Variants in CDH13 observed in about 807,000 individuals in gnomAD.
The protein encoded by CDH13 is cadherin-13.
A neutral mutation model predicts 63.8 loss-of-function variants in CDH13; 24 were observed. That is an observed-to-expected ratio of 0.38 (90% confidence interval 0.27 to 0.53). The LOEUF is 0.53. Ranked by LOEUF, CDH13 falls within the 20% of genes least tolerant of loss-of-function variation. CDH13 has a pLI of 0.85. For missense variants in CDH13, 1,049 were observed against 903.1 expected (o/e 1.16, Z -2.07); for synonymous variants, 503 against 355.3 (o/e 1.42, Z -4.67).
At chr16:82,886,431 A>G (rs1360180222) in intron 2 of CDH13, among the ~76,000 whole-genome samples, 1 of 152,240 alleles carries the variant, frequency 6.6e-6, no homozygotes, top group Non-Finnish European at 1.5e-5. Context: ...TCGGTAGACA[A>G]ACATGGGATG....
chr16:83,465,906 A>C (rs1448748070), intron 6 of CDH13, among the ~76,000 whole-genome samples: 1 of 152,144 alleles, frequency 6.6e-6, no homozygotes, highest in Admixed American at 6.5e-5. Flanking sequence ...TGTTCTCTTT[A>C]CCCTGCTGGA....
intron 5 of CDH13, among the ~76,000 whole-genome samples, chr16:83,329,313 C>T (rs527922741): frequency 1.3e-5 from 2 of 152,280 alleles, no homozygotes; most frequent in Non-Finnish European, 2.9e-5. Flanking sequence ...GCAACCTCTG[C>T]TTGCTAGGTT....
rs189506921 is a variant in CDH13, at chr16:82,994,314, C to T, written c.158-37696C>T. ...TCCTCCTCATCCTGACTTAGTACAA[C>T]CCTGGCCCTTGCATTAGACTGCTCC... On this transcript the variant is annotated intron_variant, in intron 2 of 13. Transcript: ENST00000567109. Among the ~76,000 whole-genome samples the T allele has an allele frequency of 3.4e-4, 52 of 152,296 alleles. 1 individual carries two copies. Among genetic ancestry groups the T allele is most frequent in the Middle Eastern group, 3.4e-3 (1 of 294 alleles).
chr16:83,558,514 T>C (rs895396924), intron 7 of CDH13, among the ~76,000 whole-genome samples: 10 of 152,206 alleles, frequency 6.6e-5, no homozygotes, highest in Non-Finnish European at 1.3e-4. Flanking sequence ...GTCACTGCCT[T>C]AGAATAAGCA....
At chr16:83,723,333 T>A (rs1909941088) in intron 10 of CDH13, among the ~76,000 whole-genome samples, 1 of 152,184 alleles carries the variant, frequency 6.6e-6, no homozygotes, top group South Asian at 2.1e-4. Flanking sequence ...GGTTAGCACC[T>A]CTCTCCATGT....
intron 1 of CDH13, among the ~76,000 whole-genome samples, chr16:82,676,683 GAAATAT>G (rs931978039): frequency 4.9e-4 from 74 of 151,510 alleles, no homozygotes; most frequent in Non-Finnish European, 1.6e-4. Context: ...TTTTTTTTAT[GAAATAT>G]AAAACAAAAC....
intron 8 of CDH13, among the ~76,000 whole-genome samples, chr16:83,629,253 C>T (rs2150790222): frequency 6.6e-6 from 1 of 152,314 alleles, no homozygotes; most frequent in Admixed American, 6.5e-5. Flanking sequence ...GTTTTGCTGG[C>T]TTCTGAAAAC....
At chr16:83,336,764 C>A (rs2151908116) in intron 5 of CDH13, among the ~76,000 whole-genome samples, 1 of 152,334 alleles carries the variant, frequency 6.6e-6, no homozygotes, top group East Asian at 1.9e-4. Context: ...GAATGACTCA[C>A]AAGTCCATGG....
At chr16:83,306,949 G>T (rs1348820425) in intron 5 of CDH13, among the ~76,000 whole-genome samples, 2 of 152,200 alleles carry the variant, frequency 1.3e-5, no homozygotes, top group African/African-American at 4.8e-5. Flanking sequence ...ACAGGAAAAA[G>T]AAAATCATGT....
At chr16:82,915,850 T>G (rs1159140632) in intron 2 of CDH13, among the ~76,000 whole-genome samples, 1 of 149,502 alleles carries the variant, frequency 6.7e-6, no homozygotes, top group Non-Finnish European at 1.5e-5. Flanking sequence ...TTTGGCATAC[T>G]AGACCATCAG....
At position 83,238,539 on chromosome 16, in the gene CDH13, C is replaced by G. The variant is rs530157843; in HGVS notation, c.636+21042C>G. On this transcript the variant is annotated intron_variant, in intron 5 of 13. Transcript: ENST00000567109. ...AGCCAAACCATATCAGATGGGATTT[C>G]TTGTAGGACTTGAAACCCTGGGGAA... 7.2e-5 allele frequency among the ~76,000 whole-genome samples: 11 copies of G among 152,250 alleles called. No individual in the cohort carries two copies. The South Asian group carries it at 2.1e-3, about 29-fold the overall frequency.
At chr16:83,061,318 G>A (rs1425068493) in intron 3 of CDH13, among the ~76,000 whole-genome samples, 1 of 152,144 alleles carries the variant, frequency 6.6e-6, no homozygotes, top group South Asian at 2.1e-4. Context: ...CATCAGGGTT[G>A]CAAAGGGGCT....
At chr16:83,145,003 A>G (rs536552907) in intron 4 of CDH13, among the ~76,000 whole-genome samples, 20 of 152,214 alleles carry the variant, frequency 1.3e-4, no homozygotes, top group Non-Finnish European at 2.2e-4. Context: ...CAGATGGCCC[A>G]TGTTGCAAAT....
chr16:83,271,529 C>A (rs202023605), intron 5 of CDH13, among the ~76,000 whole-genome samples: 11,940 of 108,566 alleles, frequency 0.11, 536 homozygotes, highest in East Asian at 0.2. Flanking sequence ...ACAACAACAA[C>A]AAAAAAAAAC....
chr16:82,985,355 C>T lies in CDH13; in HGVS notation c.158-46655C>T, dbSNP rs527451282. Among the ~76,000 whole-genome samples, 7 of 151,798 alleles carry T rather than the reference C, an allele frequency of 4.6e-5. No individual in the cohort carries two copies. In the South Asian group the frequency reaches 1.5e-3, roughly 32 times the overall value. The stretch of plus-strand genomic sequence containing the variant: ...TCTGTAGGGAAAGCAGAACTCTGCT[C>T]AGAGATCTTGAAGTAAGTAAAACAT... On this transcript the variant is annotated intron_variant, in intron 2 of 13. Coordinates refer to ENST00000567109, the MANE Select transcript of CDH13 (RefSeq NM_001257.5).
intron 2 of CDH13, among the ~76,000 whole-genome samples, chr16:83,006,566 C>A (rs1307428483): frequency 7.2e-5 from 11 of 152,254 alleles, no homozygotes; most frequent in African/African-American, 2.4e-4. Flanking sequence ...GTGCCATTTG[C>A]TCCTTGTCCA....
intron 1 of CDH13, among the ~76,000 whole-genome samples, chr16:82,822,129 C>T (rs766358660): frequency 6.6e-6 from 1 of 152,118 alleles, no homozygotes; most frequent in Non-Finnish European, 1.5e-5. Context: ...AAACAAGTGA[C>T]ATTAACAGCA....
chr16:83,123,874 T>G (rs13338739), intron 3 of CDH13, among the ~76,000 whole-genome samples: 52,651 of 152,044 alleles, frequency 0.35, 9,793 homozygotes, highest in Middle Eastern at 0.46. Context: ...ATTTGTTGTT[T>G]AAGACTTTTT....
Position 83,014,512 on chromosome 16 carries a change from T to A in CDH13, c.158-17498T>A, listed in dbSNP as rs183936833. ...ACTTTGGGAGGCCAAGACGGATAGATCACTTGAGGTCAGGAGTTGAAGACC... is the reference window on the plus strand; with the variant it reads ...ACTTTGGGAGGCCAAGACGGATAGAACACTTGAGGTCAGGAGTTGAAGACC... On this transcript the variant is annotated intron_variant, in intron 2 of 13. Coordinates refer to ENST00000567109, the MANE Select transcript of CDH13 (RefSeq NM_001257.5). Among the ~76,000 whole-genome samples the A allele has an allele frequency of 1.6e-3, 249 of 151,180 alleles. 1 individual carries two copies. The highest frequency in any genetic ancestry group is 5.8e-3 in the African/African-American group (240 of 41,282).
Sources: gnomAD v4.1 joint callset for allele counts (sites outside exome capture counted in the v4.1 genomes callset) on GRCh38, gnomAD v4.1.1 for gene constraint, MANE v1.5 for transcripts, NCBI Gene and HGNC (gene_info 2026-07-23, HGNC 2026-07-21) for gene names.